The following BLTP3B variants were observed in gnomAD, a reference collection of about 807,000 sequenced individuals.
BLTP3B encodes the protein UHRF1 (ICBP90) binding protein 1-like.
the BLTP3B span, among the ~76,000 whole-genome samples, chr12:100,124,272 C>T: frequency 6.6e-6 from 1 of 151,830 alleles, no homozygotes; most frequent in African/African-American, 2.4e-5. Flanking sequence ...AGAGTGAGAC[C>T]TTGTCTCTCA....
the BLTP3B span, among the ~76,000 whole-genome samples, chr12:100,048,771 AGT>A: frequency 0.16 from 18,476 of 114,600 alleles, 1,287 homozygotes; most frequent in East Asian, 0.33. Context: ...AGTGAGAGTG[AGT>A]GTGTGTGTGT....
At chr12:100,058,929 C>T in the BLTP3B span, 3 of 1,613,892 alleles carry the variant, frequency 1.9e-6, no homozygotes, top group Non-Finnish European at 2.5e-6. Flanking sequence ...CTTCTGACCA[C>T]CATTTGTCAA....
chr12:100,047,678 C>A, the BLTP3B span: 1 of 1,411,956 alleles, frequency 7.1e-7, no homozygotes, highest in South Asian at 1.2e-5. Flanking sequence ...TTACTTCATT[C>A]GGTCATATTT....
the BLTP3B span, among the ~76,000 whole-genome samples, chr12:100,087,688 T>C: frequency 6.6e-6 from 1 of 152,192 alleles, no homozygotes; most frequent in Non-Finnish European, 1.5e-5. Context: ...TTCAGAGCCT[T>C]TTGGATTTCA....
the BLTP3B span, among the ~76,000 whole-genome samples, chr12:100,139,412 T>A: frequency 2.0e-5 from 3 of 152,208 alleles, no homozygotes. Context: ...CTCTTTCTCA[T>A]GTTGGTTCAC....
At chr12:100,137,010 C>T in the BLTP3B span, among the ~76,000 whole-genome samples, 3 of 152,058 alleles carry the variant, frequency 2.0e-5, no homozygotes, top group East Asian at 1.9e-4. Flanking sequence ...AGGGTTTCAC[C>T]GTGTTGGTCA....
the BLTP3B span, chr12:100,102,700 C>CTTT: frequency 1.6e-4 from 113 of 704,832 alleles, no homozygotes; most frequent in Non-Finnish European, 1.5e-4. Flanking sequence ...GAGGTTAAGG[C>CTTT]TTTTTTTTTT....
chr12:100,125,123 G>C, the BLTP3B span, among the ~76,000 whole-genome samples: 1 of 149,506 alleles, frequency 6.7e-6, no homozygotes, highest in African/African-American at 2.5e-5. Flanking sequence ...TCCGAGGTCA[G>C]GAGTTCCAGA....
At chr12:100,093,053 G>A in the BLTP3B span, 1 of 720,094 alleles carries the variant, frequency 1.4e-6, no homozygotes, top group Non-Finnish European at 1.7e-6. Flanking sequence ...ATAGGAAAAT[G>A]TCCAAATTCT....
the BLTP3B span, among the ~76,000 whole-genome samples, chr12:100,049,796 T>C: frequency 6.6e-6 from 1 of 152,148 alleles, no homozygotes. Context: ...AACAAACAAC[T>C]TGATTAATGT....
At chr12:100,112,569 A>G in the BLTP3B span, among the ~76,000 whole-genome samples, 31 of 152,146 alleles carry the variant, frequency 2.0e-4, no homozygotes, top group Admixed American at 1.0e-3. Context: ...AAATGAAAAA[A>G]GTAGACTTGA....
the BLTP3B span, chr12:100,086,440 C>T: frequency 3.6e-6 from 3 of 842,978 alleles, no homozygotes; most frequent in East Asian, 2.8e-5. Context: ...TTTTAGCATA[C>T]TTGGAGTCCA....
the BLTP3B span, among the ~76,000 whole-genome samples, chr12:100,115,021 T>C: frequency 6.6e-6 from 1 of 152,130 alleles, no homozygotes; most frequent in African/African-American, 2.4e-5. Flanking sequence ...AAATACACTA[T>C]ACATAACAAT....
At chr12:100,130,982 G>GGGGAGAGAGAGAGA in the BLTP3B span, among the ~76,000 whole-genome samples, 5 of 62,240 alleles carry the variant, frequency 8.0e-5, no homozygotes, top group Non-Finnish European at 1.4e-4. Context: ...AGAGAGGGAG[G>GGGGAGAGAGAGAGA]GAGAGAGAGA....
chr12:100,094,800 C>T, the BLTP3B span, among the ~76,000 whole-genome samples: 2 of 152,146 alleles, frequency 1.3e-5, no homozygotes, highest in Admixed American at 1.3e-4. Context: ...GTGGAGGTTG[C>T]AGTGAGCTGA....
the BLTP3B span, among the ~76,000 whole-genome samples, chr12:100,102,337 C>T: frequency 6.6e-6 from 1 of 152,156 alleles, no homozygotes; most frequent in African/African-American, 2.4e-5. Context: ...GTCTCAAACA[C>T]CTGAGTCCAG....
chr12:100,081,566 C>T, the BLTP3B span, among the ~76,000 whole-genome samples: 1 of 152,180 alleles, frequency 6.6e-6, no homozygotes, highest in Non-Finnish European at 1.5e-5. Context: ...CACCCTTCCC[C>T]AACCCTCCAC....
At chr12:100,069,512 G>A in the BLTP3B span, among the ~76,000 whole-genome samples, 1 of 151,236 alleles carries the variant, frequency 6.6e-6, no homozygotes, top group Non-Finnish European at 1.5e-5. Flanking sequence ...ATATATGATG[G>A]AATACTACTC....
At chr12:100,125,506 C>T in the BLTP3B span, among the ~76,000 whole-genome samples, 19 of 151,812 alleles carry the variant, frequency 1.3e-4, no homozygotes, top group Admixed American at 9.2e-4. Flanking sequence ...AAACATTAGC[C>T]GAGCATGGTG....
Sources: allele counts gnomAD v4.1 joint callset (sites outside exome capture counted in the v4.1 genomes callset), GRCh38; gene constraint gnomAD v4.1.1; transcripts MANE v1.5; gene names NCBI Gene and HGNC (gene_info 2026-07-23, HGNC 2026-07-21).